PLD5: variants seen among roughly 807,000 people sequenced by gnomAD.
PLD5 encodes the protein phospholipase D family member 5.
PLD5 carries 36 observed loss-of-function variants against 61.1 expected under a neutral mutation model. That is an observed-to-expected ratio of 0.59 (90% CI 0.45 to 0.78). The LOEUF is 0.78. Among genes scored for constraint, PLD5 ranks in the 30% least tolerant of loss-of-function variants. PLD5 has a pLI of 0.00. For missense variants in PLD5, 515 were observed against 644.4 expected (o/e 0.80, Z 2.17); for synonymous variants, 243 against 242.8 (o/e 1.00, Z -0.01).
At chr1:242,096,924 G>A (rs189987875) in intron 9 of PLD5, among the ~76,000 whole-genome samples, 1,460 of 95,670 alleles carry the variant, frequency 0.015, 24 homozygotes, top group African/African-American at 0.054. Flanking sequence ...AACAGCCCCC[G>A]GTGTGTGATG....
At chr1:242,238,200 G>A (rs916465688) in intron 4 of PLD5, among the ~76,000 whole-genome samples, 1 of 152,142 alleles carries the variant, frequency 6.6e-6, no homozygotes, top group African/African-American at 2.4e-5. Context: ...GAAAATACTA[G>A]GCATGTCCAG....
chr1:242,155,334 C>T (rs1228622852), intron 5 of PLD5, among the ~76,000 whole-genome samples: 9 of 151,706 alleles, frequency 5.9e-5, no homozygotes, highest in South Asian at 2.1e-4. Context: ...AAGAGTTTTT[C>T]GTGTCTCTAT....
intron 1 of PLD5, among the ~76,000 whole-genome samples, chr1:242,503,724 A>G (rs1668630976): frequency 6.6e-6 from 1 of 152,014 alleles, no homozygotes; most frequent in African/African-American, 2.4e-5. Context: ...CTTAAGAAGC[A>G]TTTCACTGCT....
chr1:242,252,863 C>T (rs1220271299), intron 4 of PLD5, among the ~76,000 whole-genome samples: 7 of 139,934 alleles, frequency 5.0e-5, no homozygotes, highest in African/African-American at 1.6e-4. Context: ...GTCACTCAGG[C>T]TGGAGTGCAG....
In PLD5 at chr1:242,323,615, C is replaced by A. The variant is rs567095117; in HGVS notation, c.326+24491G>T. Among the ~76,000 whole-genome samples the A allele has an allele frequency of 2.3e-3, 358 of 152,346 alleles. 7 individuals carry two copies. The highest frequency in any genetic ancestry group is 0.022 in the Admixed American group (340 of 15,306). On this transcript the variant is annotated intron_variant, in intron 2 of 9. Transcript: ENST00000536534. The stretch of plus-strand genomic sequence containing the variant: ...CAGTCCCTTTTGCTGACAATGCCTG[C>A]AGCCTTTCTCCAGTTCCCGAGCTGC...
chr1:242,197,179 C>A (rs1668685123), intron 5 of PLD5, among the ~76,000 whole-genome samples: 1 of 152,140 alleles, frequency 6.6e-6, no homozygotes, highest in Admixed American at 6.5e-5. Flanking sequence ...CCAGGAGGGA[C>A]CCTGCCTTCC....
chr1:242,348,541 C>T (rs1660271051), intron 1 of PLD5, among the ~76,000 whole-genome samples: 1 of 152,074 alleles, frequency 6.6e-6, no homozygotes. Flanking sequence ...CAGAAAAGAT[C>T]ACTAGATATC....
In PLD5 at chr1:242,334,471, G is replaced by A. The variant is rs139450594; in HGVS notation, c.326+13635C>T. ...TAGCAAGATGTGTGCTACAGGAAAC[G>A]CCGTGATATGAGCTTCCCTGGGCCA... On this transcript the variant is annotated intron_variant, in intron 2 of 9. Coordinates refer to ENST00000536534, the MANE Select transcript of PLD5 (RefSeq NM_001372062.1). 7.7e-3 allele frequency among the ~76,000 whole-genome samples: 1,165 copies of A among 152,208 alleles called. 12 individuals carry two copies. The highest frequency in any genetic ancestry group is 0.027 in the African/African-American group (1,102 of 41,522).
chr1:242,114,438 TCTAA>T (rs1661783961), intron 6 of PLD5, among the ~76,000 whole-genome samples: 2 of 152,130 alleles, frequency 1.3e-5, no homozygotes, highest in Non-Finnish European at 2.9e-5. Context: ...ATATCTTCCT[TCTAA>T]CTATTTGAAA....
At chr1:242,325,377 A>AGAGAGAGG (rs1372114199) in intron 2 of PLD5, among the ~76,000 whole-genome samples, 1 of 134,998 alleles carries the variant, frequency 7.4e-6, no homozygotes, top group African/African-American at 2.7e-5. Context: ...ATATATAGGG[A>AGAGAGAGG]GAGAGAGGGA....
chr1:242,527,685 C>T (rs755985845), upstream of PLD5, among the ~76,000 whole-genome samples: 7 of 152,102 alleles, frequency 4.6e-5, no homozygotes, highest in Admixed American at 6.5e-5. Flanking sequence ...CCAAGTTAAT[C>T]GTTTATGCCA....
Position 242,465,871 on chromosome 1 carries a change from G to A in PLD5, c.189+58217C>T, listed in dbSNP as rs1451838745. 4.6e-5 allele frequency among the ~76,000 whole-genome samples: 7 copies of A among 152,352 alleles called. No individual in the cohort carries two copies. In the East Asian group the frequency reaches 1.2e-3, roughly 25 times the overall value. On this transcript the variant is annotated intron_variant, in intron 1 of 9. Coordinates refer to ENST00000536534, the MANE Select transcript of PLD5 (RefSeq NM_001372062.1). Reference sequence around the variant, plus strand: ...TTGAACCTGGGAGGCGGAGGTTGCAGTGAGCCGAGATCGTGCCACTGCACT... The same window carrying A: ...TTGAACCTGGGAGGCGGAGGTTGCAATGAGCCGAGATCGTGCCACTGCACT...
chr1:242,216,971 A>G (rs149963642), intron 5 of PLD5, among the ~76,000 whole-genome samples: 42 of 152,362 alleles, frequency 2.8e-4, no homozygotes, highest in African/African-American at 5.5e-4. Context: ...CCTGTGCTCT[A>G]TAAATGGAAC....
intron 1 of PLD5, among the ~76,000 whole-genome samples, chr1:242,408,731 T>C (rs1034892392): frequency 6.6e-6 from 1 of 152,128 alleles, no homozygotes; most frequent in African/African-American, 2.4e-5. Flanking sequence ...GGTATTCCTT[T>C]ATAGCAATGC....
intron 2 of PLD5, among the ~76,000 whole-genome samples, chr1:242,347,133 G>A (rs1453898904): frequency 6.6e-6 from 1 of 152,130 alleles, no homozygotes; most frequent in Non-Finnish European, 1.5e-5. Context: ...GGTACCATGG[G>A]TTAAACATAA....
intron 1 of PLD5, among the ~76,000 whole-genome samples, chr1:242,388,440 G>A (rs902551677): frequency 2.6e-5 from 4 of 152,152 alleles, no homozygotes; most frequent in African/African-American, 7.2e-5. Context: ...CTCAGTCAAG[G>A]ACGCAAACAT....
intron 5 of PLD5, among the ~76,000 whole-genome samples, chr1:242,174,818 A>G (rs997355333): frequency 1.3e-5 from 2 of 152,044 alleles, no homozygotes; most frequent in Admixed American, 6.6e-5. Flanking sequence ...CAAACACCGC[A>G]TGTTCTCACT....
At chr1:242,230,767 T>C (rs1019432427) in intron 4 of PLD5, among the ~76,000 whole-genome samples, 2 of 152,242 alleles carry the variant, frequency 1.3e-5, no homozygotes, top group Non-Finnish European at 2.9e-5. Flanking sequence ...AACATATCTA[T>C]TCAAATACTG....
rs1395353321 is a variant in PLD5, at chr1:242,085,772, G to T, written c.*4082C>A. On this transcript the variant is annotated 3_prime_UTR_variant, in exon 10 of 10. Coordinates refer to ENST00000536534, the MANE Select transcript of PLD5 (RefSeq NM_001372062.1). ...AACAAAGTATCTTTCATTATAGGAA[G>T]TGGCTGTTCTATGCAAGTAATGGCA... The T allele has an allele frequency of 6.6e-6, 1 of 152,116 alleles. No homozygotes were observed. Among genetic ancestry groups the T allele is most frequent in the African/African-American group, 2.4e-5 (1 of 41,410 alleles). 9.4% of individuals were successfully genotyped at this position (152,116 alleles called of 1,614,324 possible). A position where few individuals can be genotyped will look rare whatever the true frequency, so the allele number is the denominator to read the frequency against.
Sources: gnomAD v4.1 joint callset for allele counts (sites outside exome capture counted in the v4.1 genomes callset) on GRCh38, gnomAD v4.1.1 for gene constraint, MANE v1.5 for transcripts, NCBI Gene and HGNC (gene_info 2026-07-23, HGNC 2026-07-21) for gene names.